Variants in PCDHGA7 observed in about 807,000 individuals in gnomAD.
PCDHGA7 encodes the protein protocadherin gamma subfamily A, 7.
In PCDHGA7, 44 loss-of-function variants were observed where a neutral mutation model predicts 58.3. The ratio of observed to expected loss-of-function variants is 0.75; its 90% confidence interval spans 0.59 to 0.97. PCDHGA7 has a LOEUF of 0.97. Ranked by LOEUF, PCDHGA7 falls within the 50% of genes least tolerant of loss-of-function variation. PCDHGA7 has a pLI of 0.00. For missense variants in PCDHGA7, 1,266 were observed against 1,188.7 expected (o/e 1.06, Z -0.96); for synonymous variants, 516 against 504.2 (o/e 1.02, Z -0.31).
rs139608956 is a variant in PCDHGA7, at chr5:141,510,637, A to G, written c.2573-310A>G. Among the ~76,000 whole-genome samples, 4 of 152,242 alleles carry G rather than the reference A, an allele frequency of 2.6e-5. No individual in the cohort carries two copies. The East Asian group carries it at 7.7e-4, about 29-fold the overall frequency. ...ACTAAAACCAGAAGAGGTGGTTACC[A>G]TTATCATCCCCATTTTGCAGATGAG... On this transcript the variant is annotated intron_variant, in intron 3 of 3. Transcript: ENST00000518325.
chr5:141,432,746 G>T lies in PCDHGA7; in HGVS notation c.2424+47423G>T, dbSNP rs772043134. The T allele has an allele frequency of 6.2e-7, 1 of 1,614,098 alleles. No individual in the cohort carries two copies. Among genetic ancestry groups the T allele is most frequent in the Non-Finnish European group, 8.5e-7 (1 of 1,179,992 alleles). Reference sequence around the variant, plus strand: ...CTCCGCCACTGTCACGCTCACCGTGGCCGTGGCCGACAGCATCCCCCAAGT... The same window carrying T: ...CTCCGCCACTGTCACGCTCACCGTGTCCGTGGCCGACAGCATCCCCCAAGT... On this transcript the variant is annotated intron_variant, in intron 1 of 3. Transcript: ENST00000518325. This position sits in a 1 kb window ranked among gnomAD's most constrained non-coding sequence, Gnocchi z 6.0.
At chr5:141,418,171 G>A (rs2096234086) in intron 1 of PCDHGA7, 1 of 1,613,952 alleles carries the variant, frequency 6.2e-7, no homozygotes, top group African/African-American at 1.3e-5. Flanking sequence ...GATGTGAGTT[G>A]CAATTGGAAG....
At chr5:141,504,511 CTCTGATAT>C (rs2099838890) in intron 2 of PCDHGA7, among the ~76,000 whole-genome samples, 1 of 151,902 alleles carries the variant, frequency 6.6e-6, no homozygotes, top group Non-Finnish European at 1.5e-5. Flanking sequence ...AGTGGATCTC[CTCTGATAT>C]ATTTTATTCG....
At position 141,486,218 on chromosome 5, in the gene PCDHGA7, T is replaced by A. The variant is rs1467104398; in HGVS notation, c.2425-8589T>A. The A allele has an allele frequency of 2.5e-6, 4 of 1,614,004 alleles. No homozygotes were observed. The African/African-American group carries it at 5.3e-5, about 22-fold the overall frequency. On this transcript the variant is annotated intron_variant, in intron 1 of 3. Transcript: ENST00000518325. The surrounding 1 kb of genome is among the most constrained non-coding windows in gnomAD (Gnocchi z 5.0). ...GCTGGACGTAAATGACAATGCCCCT[T>A]ACATCACAGTGACCTCAGAGCTTGG...
Position 141,431,826 on chromosome 5 carries a change from TTCCCGAAAACTC to T in PCDHGA7, c.2424+46508_2424+46519del, listed in dbSNP as rs755346532. ...GTCCTCACCTCTCTCGCCAGCTCGGTTCCCGAAAACTCTCCCAGAGGGACATTAATTGCCCTT... is the reference window on the plus strand; with the variant it reads ...GTCCTCACCTCTCTCGCCAGCTCGGTTCCCAGAGGGACATTAATTGCCCTT... On this transcript the variant is annotated intron_variant, in intron 1 of 3. Transcript: ENST00000518325. The surrounding 1 kb of genome is among the most constrained non-coding windows in gnomAD (Gnocchi z 4.8). The T allele has an allele frequency of 4.3e-6, 7 of 1,614,102 alleles. No individual in the cohort carries two copies. Among genetic ancestry groups the T allele is most frequent in the Admixed American group, 1.7e-5 (1 of 60,006 alleles).
Position 141,494,802 on chromosome 5 carries a change from C to T in PCDHGA7, c.2425-5C>T. 5 of 1,614,120 alleles carry T rather than the reference C, an allele frequency of 3.1e-6. No individual in the cohort carries two copies. The highest frequency in any genetic ancestry group is 4.2e-6 in the Non-Finnish European group (5 of 1,180,016). ...TCAGCCCCTTTCCCTCTGTTTTCTC[C>T]ACAGCAAGCCCCGCCCAACACGGAC... is the stretch of plus-strand genomic sequence containing the variant. On this transcript the variant is annotated splice_polypyrimidine_tract_variant and splice_region_variant and intron_variant, in intron 1 of 3. Transcript: ENST00000518325.
Position 141,383,843 on chromosome 5 carries a change from A to G in PCDHGA7, c.944A>G (p.Tyr315Cys). The change falls in exon 1 of 4, where the codon TAT (tyrosine) becomes TGT (cysteine). Residue 315 changes from tyrosine to cysteine, a missense_variant. Tyr to Cys is a radical substitution (Grantham distance 194). Transcript: ENST00000518325. ...TTAGATTATGAAGAAACTGCCTTCTATGAAATGGAGGTTCAGGCTCAAGAT... is the reference window on the plus strand; with the variant it reads ...TTAGATTATGAAGAAACTGCCTTCTGTGAAATGGAGGTTCAGGCTCAAGAT... ...EGLDYEETAF[Y>C]EMEVQAQDGP... 4 of 1,613,970 alleles carry G rather than the reference A, an allele frequency of 2.5e-6. No homozygotes were observed. The highest frequency in any genetic ancestry group is 2.5e-6 in the Non-Finnish European group (3 of 1,179,874).
intron 1 of PCDHGA7, among the ~76,000 whole-genome samples, chr5:141,473,096 G>A (rs1007912058): frequency 9.9e-5 from 15 of 152,058 alleles, no homozygotes; most frequent in African/African-American, 3.6e-4. Context: ...ACTGTGAGTT[G>A]TATTACCACA....
At chr5:141,421,156 C>T in intron 1 of PCDHGA7, 1 of 1,197,694 alleles carries the variant, frequency 8.3e-7, no homozygotes, top group Non-Finnish European at 1.1e-6. Flanking sequence ...CGGCCTAGGA[C>T]TTCATAGATA....
At chr5:141,471,637 T>C (rs1284100810) in intron 1 of PCDHGA7, 2 of 152,198 alleles carry the variant, frequency 1.3e-5, no homozygotes, top group Non-Finnish European at 2.9e-5. Context: ...TATGGATTAG[T>C]AATATACTGG....
Position 141,476,966 on chromosome 5 carries a change from G to T in PCDHGA7, c.2425-17841G>T, listed in dbSNP as rs780645226. The T allele has an allele frequency of 6.2e-7, 1 of 1,614,152 alleles. No homozygotes were observed. Among genetic ancestry groups the T allele is most frequent in the Admixed American group, 1.7e-5 (1 of 60,032 alleles). On this transcript the variant is annotated intron_variant, in intron 1 of 3. Coordinates refer to ENST00000518325, the MANE Select transcript of PCDHGA7 (RefSeq NM_018920.4). The surrounding 1 kb of genome is among the most constrained non-coding windows in gnomAD (Gnocchi z 7.6). Reference sequence around the variant, plus strand: ...CAACGGTGAAATTATTTACTCCTTCGGCAGCCACAACCGCGCCGGCGTGCG... The same window carrying T: ...CAACGGTGAAATTATTTACTCCTTCTGCAGCCACAACCGCGCCGGCGTGCG...
chr5:141,409,639 G>A, intron 1 of PCDHGA7: 1 of 1,613,760 alleles, frequency 6.2e-7, no homozygotes, highest in Non-Finnish European at 8.5e-7. Flanking sequence ...CCTCTGACCC[G>A]GATTTGGGGC....
At chr5:141,409,330 C>T (rs920851409) in intron 1 of PCDHGA7, 1 of 1,613,836 alleles carries the variant, frequency 6.2e-7, no homozygotes, top group African/African-American at 1.3e-5. Flanking sequence ...ATCTGGATTT[C>T]GGAGGAAATG....
At chr5:141,462,335 A>G in intron 1 of PCDHGA7, among the ~76,000 whole-genome samples, 1 of 152,220 alleles carries the variant, frequency 6.6e-6, no homozygotes, top group East Asian at 1.9e-4. Context: ...ATTTAATTGT[A>G]TTGTGATCCA....
intron 1 of PCDHGA7, chr5:141,403,938 G>C (rs1181403397): frequency 1.2e-6 from 2 of 1,613,848 alleles, no homozygotes; most frequent in Non-Finnish European, 1.7e-6. Flanking sequence ...GGATTGAAAG[G>C]GTGGACAAAA....
chr5:141,474,579 G>A (rs1340685342), intron 1 of PCDHGA7, among the ~76,000 whole-genome samples: 3 of 152,196 alleles, frequency 2.0e-5, no homozygotes, highest in Non-Finnish European at 4.4e-5. Flanking sequence ...TAATTGAAGT[G>A]TTAAAGACAT....
At chr5:141,470,851 A>G (rs1410012138) in intron 1 of PCDHGA7, among the ~76,000 whole-genome samples, 2 of 151,876 alleles carry the variant, frequency 1.3e-5, no homozygotes, top group Non-Finnish European at 2.9e-5. Context: ...CCATGCTCAG[A>G]TAAGTTTTTT....
intron 2 of PCDHGA7, among the ~76,000 whole-genome samples, chr5:141,497,248 G>A (rs1442942520): frequency 6.6e-6 from 1 of 152,128 alleles, no homozygotes; most frequent in African/African-American, 2.4e-5. Context: ...AGGAGGAGGT[G>A]ACATTGAGAA....
rs781229038 is a variant in PCDHGA7, at chr5:141,489,990, A to C, written c.2425-4817A>C. 1.2e-4 allele frequency: 194 copies of C among 1,614,138 alleles called. No individual in the cohort carries two copies. Among genetic ancestry groups the C allele is most frequent in the Non-Finnish European group, 1.6e-4 (188 of 1,180,038 alleles). Reference sequence around the variant, plus strand: ...TCCAATCCTCAGTTCTACGTGTGGGAATCCCAGAGAATGCACCCATTGGTA... The same window carrying C: ...TCCAATCCTCAGTTCTACGTGTGGGCATCCCAGAGAATGCACCCATTGGTA... On this transcript the variant is annotated intron_variant, in intron 1 of 3. Transcript: ENST00000518325. The surrounding 1 kb of genome is among the most constrained non-coding windows in gnomAD (Gnocchi z 4.5).
Sources: allele counts gnomAD v4.1 joint callset (sites outside exome capture counted in the v4.1 genomes callset), GRCh38; gene constraint gnomAD v4.1.1; non-coding constraint Gnocchi (gnomAD v3.1); transcripts MANE v1.5; gene names NCBI Gene and HGNC (gene_info 2026-07-23, HGNC 2026-07-21).